Variants in PATJ observed in about 807,000 individuals in gnomAD.
The protein encoded by PATJ is inaD-like protein.
A neutral mutation model predicts 224.9 loss-of-function variants in PATJ; 190 were observed. The observed-to-expected ratio is 0.84, with a 90% confidence interval of 0.75 to 0.95. PATJ has a LOEUF of 0.95. PATJ is among the 40% of genes least tolerant of loss of function. The pLI, the probability that PATJ is intolerant of heterozygous loss-of-function variation, is 0.00. For synonymous variants in PATJ, 769 were observed against 820.3 expected (o/e 0.94, Z 1.07); for missense variants, 2,121 against 2,270.3 (o/e 0.93, Z 1.34).
Position 61,914,671 on chromosome 1 carries a change from T to C in PATJ, c.3570+7T>C. 1 of 1,521,718 alleles carries C rather than the reference T, an allele frequency of 6.6e-7. No homozygotes were observed. Among genetic ancestry groups the C allele is most frequent in the Non-Finnish European group, 9.1e-7 (1 of 1,101,670 alleles). The allele number at this position is 1,521,718 out of a possible 1,614,324, so 94.3% of individuals were successfully genotyped here. On this transcript the variant is annotated splice_region_variant and intron_variant, in intron 26 of 43. Transcript: ENST00000642238. ...CCAAGAAAAGAAAGAAAAGGTAACT[T>C]GAACCTCTCAAGGATTTAAAAAATG...
chr1:61,820,867 T>C (rs953527587), intron 14 of PATJ, among the ~76,000 whole-genome samples: 1 of 152,094 alleles, frequency 6.6e-6, no homozygotes, highest in African/African-American at 2.4e-5. Flanking sequence ...TGGTAAACTG[T>C]TAATACAGAA....
intron 1 of PATJ, among the ~76,000 whole-genome samples, chr1:61,747,354 T>C (rs532320068): frequency 0.26 from 40,242 of 151,932 alleles, 5,581 homozygotes; most frequent in East Asian, 0.39. Context: ...TTTTTTGTGT[T>C]CGTACAGCTG....
intron 27 of PATJ, among the ~76,000 whole-genome samples, chr1:61,970,571 C>T (rs944282370): frequency 1.3e-5 from 2 of 152,194 alleles, no homozygotes; most frequent in African/African-American, 4.8e-5. Flanking sequence ...CAGCTCACTG[C>T]AGCCTCAAAT....
intron 41 of PATJ, among the ~76,000 whole-genome samples, chr1:62,137,925 C>T (rs1335889946): frequency 6.6e-6 from 1 of 152,004 alleles, no homozygotes; most frequent in Non-Finnish European, 1.5e-5. Flanking sequence ...GGGATTTTCT[C>T]CACCTCTTCC....
chr1:61,968,928 C>T lies in PATJ; in HGVS notation c.3671-21240C>T, dbSNP rs1682556308. On this transcript the variant is annotated intron_variant, in intron 27 of 43. Transcript: ENST00000642238. ...GCAACCACCATTACAGTTTCTGTTT[C>T]TATGAATTTGACTACTTTAGATGTT... is the stretch of plus-strand genomic sequence containing the variant. 1.3e-5 allele frequency among the ~76,000 whole-genome samples: 2 copies of T among 152,216 alleles called. 1 individual carries two copies. Among genetic ancestry groups the T allele is most frequent in the South Asian group, 4.1e-4 (2 of 4,832 alleles).
In PATJ at chr1:61,868,090, C is replaced by G. The variant is rs1665698730; in HGVS notation, c.2835+3457C>G. Among the ~76,000 whole-genome samples the G allele has an allele frequency of 2.6e-5, 4 of 152,160 alleles. No individual in the cohort carries two copies. The South Asian group carries it at 8.3e-4, about 31-fold the overall frequency. On this transcript the variant is annotated intron_variant, in intron 20 of 43. Transcript: ENST00000642238. Reference sequence around the variant, plus strand: ...CTTCCACCCTCATACTTCACTTTAGCTGAAGAGTAAAAACACTAAAGGTCT... The same window carrying G: ...CTTCCACCCTCATACTTCACTTTAGGTGAAGAGTAAAAACACTAAAGGTCT...
intron 24 of PATJ, among the ~76,000 whole-genome samples, chr1:61,906,197 G>A (rs976746625): frequency 1.3e-5 from 2 of 152,170 alleles, no homozygotes; most frequent in Non-Finnish European, 2.9e-5. Context: ...GTATGCAGAG[G>A]AGGGCACAGA....
chr1:61,912,712 A>T (rs1201780646), intron 25 of PATJ, among the ~76,000 whole-genome samples: 1 of 91,554 alleles, frequency 1.1e-5, no homozygotes, highest in Non-Finnish European at 2.1e-5. Flanking sequence ...AGGGGAAGGT[A>T]GAGAGGAGGG....
chr1:62,156,915 A>C (rs1026579962), intron 43 of PATJ, among the ~76,000 whole-genome samples: 3 of 143,136 alleles, frequency 2.1e-5, no homozygotes, highest in African/African-American at 8.3e-5. Context: ...GTCCCTGTCA[A>C]AAAAAAAAAA....
At chr1:62,130,264 T>C (rs1304811238) in intron 41 of PATJ, among the ~76,000 whole-genome samples, 2 of 151,946 alleles carry the variant, frequency 1.3e-5, no homozygotes, top group African/African-American at 4.8e-5. Context: ...AGCCCAAGAG[T>C]TGGAGGCTAC....
At chr1:62,090,101 TGAGATCACAGAGG>T (rs1342156251) in intron 33 of PATJ, among the ~76,000 whole-genome samples, 1 of 152,232 alleles carries the variant, frequency 6.6e-6, no homozygotes, top group Non-Finnish European at 1.5e-5. Flanking sequence ...AGACGGTTTC[TGAGATCACAGAGG>T]GAGATCTCAC....
intron 22 of PATJ, among the ~76,000 whole-genome samples, chr1:61,896,307 A>T (rs1670357623): frequency 6.6e-6 from 1 of 151,588 alleles, no homozygotes; most frequent in Non-Finnish European, 1.5e-5. Context: ...AAAAAAAAAA[A>T]AATTTAATGA....
At chr1:61,778,208 G>A (rs1332609344) in intron 7 of PATJ, among the ~76,000 whole-genome samples, 3 of 152,076 alleles carry the variant, frequency 2.0e-5, no homozygotes, top group Non-Finnish European at 4.4e-5. Context: ...TGTAGAGACA[G>A]TCTCGCTTTG....
intron 8 of PATJ, among the ~76,000 whole-genome samples, chr1:61,788,929 C>T (rs1161902665): frequency 6.6e-6 from 1 of 151,226 alleles, no homozygotes. Flanking sequence ...CCACCTCAGT[C>T]TCCCAAAGTG....
intron 1 of PATJ, among the ~76,000 whole-genome samples, chr1:61,749,633 C>G (rs1570233141): frequency 6.6e-6 from 1 of 151,696 alleles, no homozygotes; most frequent in South Asian, 2.1e-4. Flanking sequence ...AGTGGCTGAG[C>G]AGGAACTGCC....
chr1:61,930,828 C>A (rs750057331), intron 27 of PATJ, among the ~76,000 whole-genome samples: 2 of 152,158 alleles, frequency 1.3e-5, no homozygotes, highest in Non-Finnish European at 2.9e-5. Flanking sequence ...CTGCCTCAGC[C>A]TCCGGAGTAG....
chr1:61,921,792 A>T (rs1003932065), intron 26 of PATJ, among the ~76,000 whole-genome samples: 4 of 152,178 alleles, frequency 2.6e-5, no homozygotes, highest in African/African-American at 9.6e-5. Context: ...TCAGGGGAAG[A>T]GGTGGGAAGG....
chr1:61,919,218 C>A (rs961097182), intron 26 of PATJ, among the ~76,000 whole-genome samples: 2 of 151,900 alleles, frequency 1.3e-5, no homozygotes, highest in Admixed American at 1.3e-4. Context: ...CCCTTTTTCA[C>A]CCCTTAATAA....
intron 43 of PATJ, among the ~76,000 whole-genome samples, chr1:62,158,644 C>T (rs966614248): frequency 6.9e-6 from 1 of 145,140 alleles, no homozygotes; most frequent in Non-Finnish European, 1.5e-5. Flanking sequence ...TGGTGTGAAC[C>T]GGCGAGGCAG....
Sources: allele counts gnomAD v4.1 joint callset (sites outside exome capture counted in the v4.1 genomes callset), GRCh38; gene constraint gnomAD v4.1.1; transcripts MANE v1.5; gene names NCBI Gene and HGNC (gene_info 2026-07-23, HGNC 2026-07-21).